Variants in PTPRD observed in about 807,000 individuals in gnomAD.
PTPRD encodes receptor-type tyrosine-protein phosphatase delta.
Under a neutral mutation model 214.5 loss-of-function variants are expected in PTPRD, and 34 were observed. The ratio of observed to expected loss-of-function variants is 0.16; its 90% CI spans 0.12 to 0.21. PTPRD has a LOEUF of 0.21. PTPRD is among the 10% of genes least tolerant of loss of function. The probability of loss-of-function intolerance (pLI) is 1.00; values close to 1 mark genes in which losing one functional copy is unlikely to be tolerated. For missense variants in PTPRD, 2,545 were observed against 2,398.7 expected (o/e 1.06, Z -1.27); for synonymous variants, 1,128 against 845.7 (o/e 1.33, Z -5.79).
chr9:9,163,811 C>T (rs2099895691), intron 10 of PTPRD, among the ~76,000 whole-genome samples: 1 of 152,164 alleles, frequency 6.6e-6, no homozygotes, highest in Admixed American at 6.6e-5. Context: ...ACTGAACTCC[C>T]ACCAGTTCTT....
chr9:9,131,621 G>A (rs889742550), intron 10 of PTPRD, among the ~76,000 whole-genome samples: 12 of 152,022 alleles, frequency 7.9e-5, no homozygotes, highest in African/African-American at 2.9e-4. Context: ...TAGTTACTTG[G>A]ACTTTGCTTA....
At chr9:9,067,190 A>G (rs2099736033) in intron 10 of PTPRD, among the ~76,000 whole-genome samples, 1 of 152,224 alleles carries the variant, frequency 6.6e-6, no homozygotes, top group Non-Finnish European at 1.5e-5. Context: ...AGATAGCACC[A>G]TTGCACTCCA....
At position 8,376,104 on chromosome 9, in the gene PTPRD, A is replaced by AT. The variant is rs1437597433; in HGVS notation, c.4507-15dup. On this transcript the variant is annotated splice_polypyrimidine_tract_variant and intron_variant, in intron 38 of 45. Transcript: ENST00000381196. The stretch of plus-strand genomic sequence containing the variant: ...ACTTGAACCATTCTGTGAAATAGGA[A>AT]TATCAGCTGAAATTCTGTTTTCCAA... The AT allele has an allele frequency of 6.2e-7, 1 of 1,611,150 alleles. No homozygotes were observed. Among genetic ancestry groups the AT allele is most frequent in the African/African-American group, 1.3e-5 (1 of 74,752 alleles).
chr9:10,598,711 G>GTGTGTGGTGTGTGGT lies in PTPRD; in HGVS notation c.-600+13686_-600+13687insACCACACACCACACA, dbSNP rs57068953. Among the ~76,000 whole-genome samples the GTGTGTGGTGTGTGGT allele has an allele frequency of 1.9e-3, 265 of 137,162 alleles. 1 individual carries two copies. In the South Asian group the frequency reaches 0.022, roughly 11 times the overall value. 90.0% of individuals were successfully genotyped at this position (137,162 alleles called of 152,430 possible). A position where few individuals can be genotyped will look rare whatever the true frequency, so the allele number is the denominator to read the frequency against. On this transcript the variant is annotated intron_variant, in intron 2 of 45. Transcript: ENST00000381196. Reference sequence around the variant, plus strand: ...GTGTGTGTGTGTGTGTGTGGTGTGTGGTGTGTGTGTGTGTGTGTGTGTAGA... The same window carrying GTGTGTGGTGTGTGGT: ...GTGTGTGTGTGTGTGTGTGGTGTGTGTGTGTGGTGTGTGGTGTGTGTGTGTGTGTGTGTGTGTAGA...
rs746124968 is a variant in PTPRD, at chr9:8,518,271, C to T, written c.1120G>A (p.Ala374Thr). ...CCAGCGACACTGTAGCGTGTGGTCG[C>T]CACCCCATCAATTTCTTTGTAAAGT... ...EELYKEIDGV[A>T]TTRYSVAGLS... is the part of the protein sequence containing the mutation. The change falls in exon 21 of 46, where the codon GCG becomes ACG. Residue 374 changes from alanine (A) to threonine (T), a missense_variant. Coordinates refer to ENST00000381196, the MANE Select transcript of PTPRD (RefSeq NM_002839.4). 8 of 1,614,134 alleles carry T rather than the reference C, an allele frequency of 5.0e-6. No homozygotes were observed. Among genetic ancestry groups the T allele is most frequent in the South Asian group, 3.3e-5 (3 of 91,088 alleles).
At chr9:9,231,847 C>T (rs767982302) in intron 9 of PTPRD, among the ~76,000 whole-genome samples, 3 of 152,048 alleles carry the variant, frequency 2.0e-5, no homozygotes, top group Non-Finnish European at 4.4e-5. Flanking sequence ...TCATCATTTA[C>T]ATTACGTATT....
chr9:9,998,327 C>T (rs1368055768), intron 4 of PTPRD, among the ~76,000 whole-genome samples: 1 of 150,798 alleles, frequency 6.6e-6, no homozygotes, highest in Non-Finnish European at 1.5e-5. Flanking sequence ...TCCAGCAGCT[C>T]AAACTGCCAT....
intron 9 of PTPRD, among the ~76,000 whole-genome samples, chr9:9,383,465 A>C (rs1229088484): frequency 6.6e-6 from 1 of 152,156 alleles, no homozygotes; most frequent in Non-Finnish European, 1.5e-5. Context: ...ATTCTAGAAT[A>C]AGGAGGCCAG....
At chr9:8,353,484 G>C (rs1046001759) in intron 39 of PTPRD, among the ~76,000 whole-genome samples, 9 of 152,190 alleles carry the variant, frequency 5.9e-5, no homozygotes, top group African/African-American at 2.2e-4. Context: ...GGAGGCTGGA[G>C]TGTGCTGGTG....
chr9:10,183,867 C>A (rs958207319), intron 3 of PTPRD, among the ~76,000 whole-genome samples: 1 of 152,254 alleles, frequency 6.6e-6, no homozygotes, highest in Admixed American at 6.5e-5. Flanking sequence ...GACAGAACCA[C>A]AAAGGAGAGA....
intron 5 of PTPRD, among the ~76,000 whole-genome samples, chr9:9,784,515 A>G (rs1480538592): frequency 6.6e-6 from 1 of 152,002 alleles, no homozygotes; most frequent in Non-Finnish European, 1.5e-5. Flanking sequence ...CTGTTTCACA[A>G]ATTTCCTTCC....
intron 2 of PTPRD, among the ~76,000 whole-genome samples, chr9:10,396,132 T>C (rs993537142): frequency 6.6e-6 from 1 of 151,890 alleles, no homozygotes; most frequent in African/African-American, 2.4e-5. Context: ...CAGATTGTTA[T>C]ACCTCCTCAC....
intron 10 of PTPRD, among the ~76,000 whole-genome samples, chr9:9,085,507 A>G (rs2099765778): frequency 6.6e-6 from 1 of 152,158 alleles, no homozygotes; most frequent in Non-Finnish European, 1.5e-5. Flanking sequence ...TTTTTCAGGA[A>G]GAATAAGATC....
At chr9:9,706,489 G>C (rs1317417217) in intron 7 of PTPRD, among the ~76,000 whole-genome samples, 1 of 151,606 alleles carries the variant, frequency 6.6e-6, no homozygotes, top group Non-Finnish European at 1.5e-5. Context: ...TCACAGGCTG[G>C]AGTGCAATGA....
At chr9:9,156,281 A>G (rs1053785276) in intron 10 of PTPRD, among the ~76,000 whole-genome samples, 4 of 152,048 alleles carry the variant, frequency 2.6e-5, no homozygotes, top group Admixed American at 2.0e-4. Context: ...AGTCAATGTT[A>G]TAATACATAA....
chr9:9,281,868 G>T (rs982376300), intron 9 of PTPRD, among the ~76,000 whole-genome samples: 6 of 151,070 alleles, frequency 4.0e-5, no homozygotes, highest in Non-Finnish European at 5.9e-5. Flanking sequence ...CCCTACGGTA[G>T]ATGAATGGAT....
intron 2 of PTPRD, among the ~76,000 whole-genome samples, chr9:10,375,403 C>A (rs761545574): frequency 1.3e-5 from 2 of 151,978 alleles, no homozygotes; most frequent in Admixed American, 6.6e-5. Flanking sequence ...TTACAAGGTA[C>A]CTTCATGTCC....
chr9:9,867,865 G>A (rs2064375444), intron 5 of PTPRD, among the ~76,000 whole-genome samples: 1 of 152,184 alleles, frequency 6.6e-6, no homozygotes, highest in South Asian at 2.1e-4. Context: ...AGGAGACCTT[G>A]GCCCCAGGGT....
chr9:8,626,770 G>A (rs1299975297), intron 14 of PTPRD, among the ~76,000 whole-genome samples: 1 of 151,536 alleles, frequency 6.6e-6, no homozygotes, highest in Non-Finnish European at 1.5e-5. Flanking sequence ...CTCTTCCTAG[G>A]TCTTCAGCTT....
Sources: allele counts gnomAD v4.1 joint callset (sites outside exome capture counted in the v4.1 genomes callset), GRCh38; gene constraint gnomAD v4.1.1; transcripts MANE v1.5; gene names NCBI Gene and HGNC (gene_info 2026-07-23, HGNC 2026-07-21).